EVL: variants seen among roughly 807,000 people sequenced by gnomAD.
The protein encoded by EVL is Enah/Vasp-like.
In EVL, 21 loss-of-function variants were observed where a neutral mutation model predicts 59.6. The ratio of observed to expected loss-of-function variants is 0.35; its 90% confidence interval spans 0.25 to 0.51. The LOEUF is 0.51. Ranked by LOEUF, EVL falls within the 20% of genes least tolerant of loss-of-function variation. The pLI is 0.97. For missense variants in EVL, 462 were observed against 546.6 expected, an observed-to-expected ratio of 0.85 and a Z score of 1.54; for synonymous variants, 198 against 203.5, an observed-to-expected ratio of 0.97 and a Z score of 0.23.
At chr14:100,022,672 C>T (rs2061146421) in intron 1 of EVL, among the ~76,000 whole-genome samples, 1 of 152,184 alleles carries the variant, frequency 6.6e-6, no homozygotes, top group Non-Finnish European at 1.5e-5. Context: ...TTCATAAAAA[C>T]AACAGAATCC....
chr14:100,019,618 C>G, intron 1 of EVL: 1 of 1,511,098 alleles, frequency 6.6e-7, no homozygotes, highest in Non-Finnish European at 8.8e-7. Context: ...GTCCTCCATA[C>G]CAAAAAGACT....
chr14:100,099,410 AG>A (rs1379345722), intron 3 of EVL, among the ~76,000 whole-genome samples: 1 of 151,972 alleles, frequency 6.6e-6, no homozygotes, highest in African/African-American at 2.4e-5. Flanking sequence ...ACTGTAGGAG[AG>A]TTTTGTGGTT....
intron 1 of EVL, among the ~76,000 whole-genome samples, chr14:100,009,875 A>T (rs767439271): frequency 6.6e-6 from 1 of 152,254 alleles, no homozygotes; most frequent in Non-Finnish European, 1.5e-5. Flanking sequence ...CTGTAGGTAA[A>T]TTTAAACATT....
chr14:100,037,072 T>C (rs969318164), intron 1 of EVL, among the ~76,000 whole-genome samples: 1 of 152,208 alleles, frequency 6.6e-6, no homozygotes, highest in Non-Finnish European at 1.5e-5. Context: ...CCTCTTGGGC[T>C]TCCAAAACTG....
At chr14:99,980,380 A>G (rs912233682) in intron 1 of EVL, among the ~76,000 whole-genome samples, 12 of 152,298 alleles carry the variant, frequency 7.9e-5, no homozygotes, top group Admixed American at 5.9e-4. Context: ...TAATGCCTAC[A>G]TGAGTGAGAA....
At chr14:100,113,479 C>T (rs1269127978) in intron 3 of EVL, among the ~76,000 whole-genome samples, 15 of 152,198 alleles carry the variant, frequency 9.9e-5, no homozygotes, top group South Asian at 8.3e-4. Context: ...CCCTCAGGTG[C>T]GGAAATTAAG....
intron 1 of EVL, among the ~76,000 whole-genome samples, chr14:100,080,767 G>C (rs561642300): frequency 4.6e-5 from 7 of 152,168 alleles, no homozygotes; most frequent in African/African-American, 1.7e-4. Flanking sequence ...CCACCAACCT[G>C]GTAACTTAAC....
intron 1 of EVL, among the ~76,000 whole-genome samples, chr14:99,991,959 T>C: frequency 1.0e-5 from 1 of 97,522 alleles, no homozygotes; most frequent in African/African-American, 4.4e-5. Flanking sequence ...GAGGGTCAAC[T>C]CTGTGTGTGT....
intron 1 of EVL, among the ~76,000 whole-genome samples, chr14:100,082,385 G>T (rs182145967): frequency 2.6e-5 from 4 of 152,274 alleles, no homozygotes; most frequent in Non-Finnish European, 4.4e-5. Context: ...ATGGCGAGGG[G>T]ACTGGTAGCT....
chr14:99,982,457 A>G (rs1177345125), intron 1 of EVL, among the ~76,000 whole-genome samples: 2 of 152,246 alleles, frequency 1.3e-5, no homozygotes, highest in African/African-American at 4.8e-5. Context: ...GAAGAAGAAG[A>G]TAAAGTTAGT....
rs1027765587 is a variant in EVL, at chr14:100,127,036, C to G, written c.487+265C>G. Among the ~76,000 whole-genome samples, 1 of 152,238 alleles carries G rather than the reference C, an allele frequency of 6.6e-6. No individual in the cohort carries two copies. The highest frequency in any genetic ancestry group is 1.5e-5 in the Non-Finnish European group (1 of 68,044). On this transcript the variant is annotated intron_variant, in intron 5 of 13. Coordinates refer to ENST00000392920, the MANE Select transcript of EVL (RefSeq NM_016337.3). This position sits in a 1 kb window ranked among gnomAD's most constrained non-coding sequence, Gnocchi z 4.2. ...GCAAGCACCTCCTGTGTCTCAGGCA[C>G]CGTGCTAAGGGCTGGGGACACAACT...
At chr14:99,996,807 G>A (rs1390035672) in intron 1 of EVL, among the ~76,000 whole-genome samples, 3 of 152,058 alleles carry the variant, frequency 2.0e-5, no homozygotes, top group African/African-American at 4.8e-5. Flanking sequence ...ACATGCCACC[G>A]TGTCTGGCTG....
At chr14:100,060,835 GA>G (rs769360663), upstream of EVL, among the ~76,000 whole-genome samples, 9 of 151,832 alleles carry the variant, frequency 5.9e-5, no homozygotes, top group Admixed American at 2.0e-4. Flanking sequence ...TGCTGAAAAC[GA>G]AAGAAAAAGA....
At chr14:100,123,390 C>G (rs552896489) in intron 3 of EVL, 149 bp from the exon 4 acceptor site, 2 of 682,910 alleles carry the variant, frequency 2.9e-6, no homozygotes, top group East Asian at 2.8e-5. Context: ...GAGTGATGCA[C>G]AGGTGTGAGT....
upstream of EVL, among the ~76,000 whole-genome samples, chr14:100,061,052 A>C (rs1317762775): frequency 6.6e-6 from 1 of 152,002 alleles, no homozygotes; most frequent in Middle Eastern, 3.2e-3. Context: ...TTTCAGATAA[A>C]AGAAAACTAA....
chr14:100,124,148 G>A (rs1411097199), intron 4 of EVL, among the ~76,000 whole-genome samples: 2 of 152,236 alleles, frequency 1.3e-5, no homozygotes, highest in Non-Finnish European at 2.9e-5. Context: ...GCTCTGAAAT[G>A]GCAGAGTCAG....
intron 1 of EVL, among the ~76,000 whole-genome samples, chr14:100,028,137 T>TTTTTG (rs1555413986): frequency 7.6e-6 from 1 of 130,956 alleles, no homozygotes; most frequent in Non-Finnish European, 1.7e-5. Context: ...TTTGTTTGTT[T>TTTTTG]TTTTTTTTTT....
intron 13 of EVL, among the ~76,000 whole-genome samples, chr14:100,143,139 GAGCACT>G (rs909973001): frequency 6.6e-6 from 1 of 152,160 alleles, no homozygotes; most frequent in Non-Finnish European, 1.5e-5. Context: ...CCGGGGGTTG[GAGCACT>G]AGCTTGGGGT....
At chr14:100,132,850 T>TCTCAGGCGAGGC in intron 8 of EVL, 71 bp downstream of exon 8, 1 of 1,558,420 alleles carries the variant, frequency 6.4e-7, no homozygotes, top group South Asian at 1.1e-5. Context: ...GGCTCTCTGG[T>TCTCAGGCGAGGC]CTCAGGCGAG....
Sources: gnomAD v4.1 joint callset for allele counts (sites outside exome capture counted in the v4.1 genomes callset) on GRCh38, gnomAD v4.1.1 for gene constraint, Gnocchi (gnomAD v3.1) non-coding constraint, MANE v1.5 for transcripts, NCBI Gene and HGNC (gene_info 2026-07-23, HGNC 2026-07-21) for gene names.